The following SPOCK3 variants were observed in gnomAD, a reference collection of about 807,000 sequenced individuals.
SPOCK3 encodes the protein testican-3.
In SPOCK3, 30 loss-of-function variants were observed where a neutral mutation model predicts 56.6. The observed-to-expected ratio is 0.53, with a 90% CI of 0.40 to 0.72. The LOEUF (loss-of-function observed/expected upper bound fraction) is 0.72, where lower values mean the gene tolerates loss of function less well. Among genes scored for constraint, SPOCK3 ranks in the 30% least tolerant of loss-of-function variants. The pLI is 0.00. For missense variants in SPOCK3, 527 were observed against 530.0 expected, an observed-to-expected ratio of 0.99 and a Z score of 0.06; for synonymous variants, 196 against 183.3, an observed-to-expected ratio of 1.07 and a Z score of -0.56.
chr4:167,183,533 T>C (rs965452148), intron 2 of SPOCK3, among the ~76,000 whole-genome samples: 2 of 152,186 alleles, frequency 1.3e-5, no homozygotes, highest in African/African-American at 2.4e-5. Flanking sequence ...TAAAATGTGA[T>C]ACTGAAGTGC....
intron 4 of SPOCK3, among the ~76,000 whole-genome samples, chr4:166,942,141 T>TAAAATGTGGTTAATAAATGCAA (rs1195628221): frequency 6.6e-6 from 1 of 152,218 alleles, no homozygotes; most frequent in African/African-American, 2.4e-5. Flanking sequence ...AACTAGACAT[T>TAAAATGTGGTTAATAAATGCAA]AAAATGTGGT....
chr4:166,852,352 G>C (rs910564933), intron 6 of SPOCK3, among the ~76,000 whole-genome samples: 18 of 152,122 alleles, frequency 1.2e-4, no homozygotes, highest in Middle Eastern at 3.4e-3. Flanking sequence ...TCCTGGCAAA[G>C]GGGATTCCAG....
chr4:166,927,897 T>C (rs1004806220), intron 4 of SPOCK3, among the ~76,000 whole-genome samples: 6 of 151,260 alleles, frequency 4.0e-5, no homozygotes, highest in Admixed American at 1.3e-4. Flanking sequence ...GAAAAAAAAA[T>C]GCAACTTAAA....
At chr4:166,836,514 A>G (rs1215871912) in intron 6 of SPOCK3, among the ~76,000 whole-genome samples, 1 of 152,146 alleles carries the variant, frequency 6.6e-6, no homozygotes, top group Non-Finnish European at 1.5e-5. Context: ...AGTTGAATCT[A>G]CTGACATATT....
At chr4:167,172,694 A>T (rs181024648) in intron 2 of SPOCK3, among the ~76,000 whole-genome samples, 1 of 152,114 alleles carries the variant, frequency 6.6e-6, no homozygotes, top group East Asian at 1.9e-4. Flanking sequence ...TATAATAAAC[A>T]TTTTTCATAG....
At chr4:166,865,530 C>T (rs1044614370) in intron 6 of SPOCK3, among the ~76,000 whole-genome samples, 1 of 152,022 alleles carries the variant, frequency 6.6e-6, no homozygotes, top group Non-Finnish European at 1.5e-5. Flanking sequence ...TTTAGAAAAC[C>T]CTACCATCTC....
chr4:167,198,352 G>A (rs1447331485), intron 2 of SPOCK3, among the ~76,000 whole-genome samples: 1 of 152,124 alleles, frequency 6.6e-6, no homozygotes, highest in Admixed American at 6.6e-5. Context: ...ATCCCTATGT[G>A]ATAGTTTGGT....
Position 167,188,033 on chromosome 4 carries a change from T to C in SPOCK3, c.189+45952A>G, listed in dbSNP as rs144228552. Reference sequence around the variant, plus strand: ...GAGAAATCTGCAGTTCTGAGTTTCATAAAAGAGTCTGCTGCTAAAAGTTGA... The same window carrying C: ...GAGAAATCTGCAGTTCTGAGTTTCACAAAAGAGTCTGCTGCTAAAAGTTGA... On this transcript the variant is annotated intron_variant, in intron 2 of 10. Transcript: ENST00000357545. Among the ~76,000 whole-genome samples the C allele has an allele frequency of 5.0e-3, 584 of 115,906 alleles. 93 individuals are homozygous for C. Among genetic ancestry groups the C allele is most frequent in the African/African-American group, 0.018 (491 of 26,644 alleles). 76.0% of individuals were successfully genotyped at this position (115,906 alleles called of 152,430 possible). A position where few individuals can be genotyped will look rare whatever the true frequency, so the allele number is the denominator to read the frequency against.
At chr4:167,161,590 C>G (rs1358403531) in intron 2 of SPOCK3, among the ~76,000 whole-genome samples, 1 of 152,088 alleles carries the variant, frequency 6.6e-6, no homozygotes, top group Non-Finnish European at 1.5e-5. Context: ...CACACGCTCA[C>G]GTATGGTTAT....
intron 3 of SPOCK3, among the ~76,000 whole-genome samples, chr4:167,044,711 C>G (rs1029637788): frequency 6.6e-6 from 1 of 152,038 alleles, no homozygotes; most frequent in Non-Finnish European, 1.5e-5. Flanking sequence ...TCAACACATA[C>G]TTTGGAATTT....
At chr4:166,764,638 T>C (rs1455153527) in intron 7 of SPOCK3, among the ~76,000 whole-genome samples, 2 of 152,284 alleles carry the variant, frequency 1.3e-5, no homozygotes, top group Admixed American at 6.5e-5. Context: ...TGAATAGTGC[T>C]GCAATAAACA....
intron 4 of SPOCK3, among the ~76,000 whole-genome samples, chr4:166,981,996 G>A (rs1028838887): frequency 2.6e-5 from 4 of 152,230 alleles, no homozygotes; most frequent in Admixed American, 1.3e-4. Flanking sequence ...GCACTTCTGA[G>A]TCTGTGGGAA....
At chr4:167,006,869 C>T (rs1749525103) in intron 3 of SPOCK3, among the ~76,000 whole-genome samples, 1 of 152,178 alleles carries the variant, frequency 6.6e-6, no homozygotes, top group Non-Finnish European at 1.5e-5. Flanking sequence ...TACTCTTTAT[C>T]CCTCGCAACT....
intron 2 of SPOCK3, among the ~76,000 whole-genome samples, chr4:167,076,128 G>A (rs1757158905): frequency 6.6e-6 from 1 of 151,896 alleles, no homozygotes; most frequent in African/African-American, 2.4e-5. Flanking sequence ...AAAGATCAAT[G>A]GTTGCCAGGG....
intron 6 of SPOCK3, among the ~76,000 whole-genome samples, chr4:166,858,729 G>C (rs956009799): frequency 4.6e-5 from 7 of 152,008 alleles, no homozygotes; most frequent in African/African-American, 1.7e-4. Flanking sequence ...AGACAGAGGA[G>C]GACTATCAGC....
At chr4:166,840,226 G>A (rs1236013046) in intron 6 of SPOCK3, among the ~76,000 whole-genome samples, 1 of 152,090 alleles carries the variant, frequency 6.6e-6, no homozygotes, top group African/African-American at 2.4e-5. Flanking sequence ...ACCTAGTGGA[G>A]AGGAAAATTC....
intron 6 of SPOCK3, among the ~76,000 whole-genome samples, chr4:166,832,951 A>G (rs549477613): frequency 1.3e-5 from 2 of 152,186 alleles, no homozygotes; most frequent in Non-Finnish European, 2.9e-5. Context: ...ACTATTAGGT[A>G]CTATACTCAC....
chr4:166,856,123 G>A (rs1009724147), intron 6 of SPOCK3, among the ~76,000 whole-genome samples: 25 of 151,970 alleles, frequency 1.6e-4, no homozygotes, highest in Admixed American at 3.3e-4. Flanking sequence ...TGAACTCACA[G>A]AAGTAAAGAA....
intron 2 of SPOCK3, chr4:167,119,929 G>T (rs1365331739): frequency 8.5e-7 from 1 of 1,173,616 alleles, no homozygotes; most frequent in South Asian, 1.6e-5. Context: ...AGAAAGAAAA[G>T]AATAAACCCC....
Sources: gnomAD v4.1 joint callset for allele counts (sites outside exome capture counted in the v4.1 genomes callset) on GRCh38, gnomAD v4.1.1 for gene constraint, MANE v1.5 for transcripts, NCBI Gene and HGNC (gene_info 2026-07-23, HGNC 2026-07-21) for gene names.